The following ATE1 variants were observed in gnomAD, a reference collection of about 807,000 sequenced individuals.
ATE1 encodes arginyl-tRNA--protein transferase 1.
ATE1 carries 36 observed loss-of-function variants against 70.5 expected under a neutral mutation model. The observed-to-expected ratio is 0.51, with a 90% CI of 0.39 to 0.67. ATE1 has a LOEUF of 0.67. Ranked by LOEUF, ATE1 falls within the 30% of genes least tolerant of loss-of-function variation. ATE1 has a pLI of 0.00. For synonymous variants in ATE1, 232 were observed against 219.3 expected (o/e 1.06, Z -0.51); for missense variants, 593 against 629.5 (o/e 0.94, Z 0.62).
chr10:121,877,061 A>G (rs1026514791), intron 7 of ATE1, among the ~76,000 whole-genome samples: 2 of 152,098 alleles, frequency 1.3e-5, no homozygotes, highest in African/African-American at 2.4e-5. Context: ...AAAGAAAAAC[A>G]TGTTCTTGGC....
chr10:121,775,465 C>T (rs1168661855), intron 11 of ATE1, among the ~76,000 whole-genome samples: 1 of 151,900 alleles, frequency 6.6e-6, no homozygotes, highest in African/African-American at 2.4e-5. Flanking sequence ...CATCCCGGAA[C>T]TTAAAGTTAA....
chr10:121,900,609 A>C (rs1394523391), intron 6 of ATE1, among the ~76,000 whole-genome samples: 1 of 152,236 alleles, frequency 6.6e-6, no homozygotes, highest in Non-Finnish European at 1.5e-5. Context: ...CATTTACTTT[A>C]ACATTATTTA....
At chr10:121,787,581 C>T (rs1156612761) in intron 11 of ATE1, among the ~76,000 whole-genome samples, 1 of 152,148 alleles carries the variant, frequency 6.6e-6, no homozygotes, top group African/African-American at 2.4e-5. Flanking sequence ...TTCTTCAAAG[C>T]ACTTATTCTC....
intron 11 of ATE1, among the ~76,000 whole-genome samples, chr10:121,754,280 A>G (rs1462117515): frequency 6.6e-6 from 1 of 152,234 alleles, no homozygotes; most frequent in African/African-American, 2.4e-5. Flanking sequence ...TTCACAAAAA[A>G]TAACTAGGGC....
intron 8 of ATE1, among the ~76,000 whole-genome samples, chr10:121,854,433 G>A (rs1224325165): frequency 6.6e-6 from 1 of 152,106 alleles, no homozygotes; most frequent in Non-Finnish European, 1.5e-5. Context: ...CAGCAGTTCT[G>A]GAGGTCATCC....
In ATE1 at chr10:121,898,725, A is replaced by T. The variant is rs1359784108; in HGVS notation, c.942+1141T>A. The T allele has an allele frequency of 9.6e-6, 12 of 1,248,630 alleles. No homozygotes were observed. The Admixed American group carries it at 2.9e-4, about 30-fold the overall frequency. The allele number at this position is 1,248,630 out of a possible 1,614,324, so 77.3% of individuals were successfully genotyped here. ...ATGTATGAGTCATGTGAGTGTTCAC[A>T]GAAGTTCAGTAATACACACTGAAAG... On this transcript the variant is annotated intron_variant, in intron 7 of 11. Transcript: ENST00000224652.
At chr10:121,870,804 C>T (rs1471689086) in intron 7 of ATE1, among the ~76,000 whole-genome samples, 2 of 152,054 alleles carry the variant, frequency 1.3e-5, no homozygotes, top group African/African-American at 4.8e-5. Flanking sequence ...AAATGAGGAC[C>T]GTCACATAAC....
intron 11 of ATE1, among the ~76,000 whole-genome samples, chr10:121,773,821 T>C (rs1227142572): frequency 1.3e-5 from 2 of 152,202 alleles, no homozygotes; most frequent in East Asian, 3.8e-4. Context: ...AACAGTACTA[T>C]AAAGCACAGC....
rs1447857822 is a variant in ATE1, at chr10:121,922,217, C to T, written c.233+132G>A. On this transcript the variant is annotated intron_variant, in intron 3 of 11. Coordinates refer to ENST00000224652, the MANE Select transcript of ATE1 (RefSeq NM_001001976.3). ...GCATCAGTATGAAGAAAAGACATAA[C>T]TCATTTACTTTTCCTTTTAAAGGAC... The T allele has an allele frequency of 9.2e-6, 6 of 649,892 alleles. No individual in the cohort carries two copies. The East Asian group carries it at 1.7e-4, about 18-fold the overall frequency. The allele number at this position is 649,892 out of a possible 1,614,324, so 40.3% of individuals were successfully genotyped here. A position where few individuals can be genotyped will look rare whatever the true frequency, so the allele number is the denominator to read the frequency against.
chr10:121,926,233 A>AT (rs1464116586), intron 1 of ATE1, among the ~76,000 whole-genome samples: 1 of 151,974 alleles, frequency 6.6e-6, no homozygotes, highest in Admixed American at 6.6e-5. Context: ...AAATAAATGG[A>AT]TTTTTCCCTT....
intron 11 of ATE1, among the ~76,000 whole-genome samples, chr10:121,766,616 T>A (rs896029512): frequency 2.0e-5 from 3 of 151,936 alleles, no homozygotes; most frequent in Non-Finnish European, 4.4e-5. Context: ...TCCCCGAAAT[T>A]TGGGGATTTT....
chr10:121,819,442 C>T (rs1947691437), intron 10 of ATE1, among the ~76,000 whole-genome samples: 2 of 152,134 alleles, frequency 1.3e-5, no homozygotes, highest in East Asian at 3.9e-4. Flanking sequence ...CATTGGCTCA[C>T]ACCTGTAATC....
chr10:121,885,462 C>T (rs1172631051), intron 7 of ATE1, among the ~76,000 whole-genome samples: 2 of 140,422 alleles, frequency 1.4e-5, no homozygotes, highest in South Asian at 2.3e-4. Context: ...CCCAGCTACT[C>T]GGGAGGCTGA....
chr10:121,816,390 C>T (rs1233902829), intron 10 of ATE1, among the ~76,000 whole-genome samples: 1 of 152,036 alleles, frequency 6.6e-6, no homozygotes, highest in East Asian at 1.9e-4. Context: ...AGAGGTGTGG[C>T]CTTTTGGAAA....
chr10:121,927,686 G>A (rs768121705), intron 1 of ATE1, among the ~76,000 whole-genome samples, 158 bp downstream of exon 1: 6 of 152,248 alleles, frequency 3.9e-5, no homozygotes, highest in Non-Finnish European at 4.4e-5. Flanking sequence ...AAGCTGCCCC[G>A]CTAAGCCGGC....
At chr10:121,814,741 C>T (rs1343364158) in intron 10 of ATE1, among the ~76,000 whole-genome samples, 2 of 152,150 alleles carry the variant, frequency 1.3e-5, no homozygotes, top group Non-Finnish European at 2.9e-5. Context: ...GAAAAACTGG[C>T]TTTCATTCTA....
Position 121,911,132 on chromosome 10 carries a change from T to G in ATE1, c.357A>C (p.Thr119=). Residue 119 remains threonine, a synonymous_variant, in exon 5 of 12, where the codon ACA becomes ACC. Transcript: ENST00000224652. ...AGTCACCCGCAACAGCATCATCCAT[T>G]GTGGAATCCATGGGCTCATCTACAA... is the stretch of plus-strand genomic sequence containing the variant. The part of the protein sequence containing the change: ...GSCEDEPMDS[T]MDDAVAGDFA... The G allele has an allele frequency of 1.9e-6, 3 of 1,608,002 alleles. No homozygotes were observed. The highest frequency in any genetic ancestry group is 1.1e-5 in the South Asian group (1 of 89,120).
At chr10:121,909,117 T>C (rs1027118456) in intron 5 of ATE1, among the ~76,000 whole-genome samples, 7 of 152,152 alleles carry the variant, frequency 4.6e-5, no homozygotes, top group Non-Finnish European at 1.0e-4. Context: ...GCCTCCCAAG[T>C]AGCTGGGACT....
intron 10 of ATE1, among the ~76,000 whole-genome samples, chr10:121,818,099 AG>A (rs1354553128): frequency 2.6e-5 from 4 of 151,848 alleles, no homozygotes; most frequent in African/African-American, 9.7e-5. Context: ...CCCCGTCTCT[AG>A]AAAAAATACA....
Sources: gnomAD v4.1 joint callset for allele counts (sites outside exome capture counted in the v4.1 genomes callset) on GRCh38, gnomAD v4.1.1 for gene constraint, MANE v1.5 for transcripts, NCBI Gene and HGNC (gene_info 2026-07-23, HGNC 2026-07-21) for gene names.